The following TSC22D1 variants were observed in gnomAD, a reference collection of about 807,000 sequenced individuals.
The protein encoded by TSC22D1 is TSC22 domain family protein 1.
Under a neutral mutation model 74.2 loss-of-function variants are expected in TSC22D1, and 9 were observed. The observed-to-expected ratio is 0.12, with a 90% CI of 0.07 to 0.21. The LOEUF is 0.21. Among genes scored for constraint, TSC22D1 ranks in the 10% least tolerant of loss-of-function variants. The probability of loss-of-function intolerance (pLI) is 1.00; values close to 1 mark genes in which losing one functional copy is unlikely to be tolerated. For missense variants in TSC22D1, 1,427 were observed against 1,304.7 expected (o/e 1.09, Z -1.44); for synonymous variants, 586 against 492.5 (o/e 1.19, Z -2.51).
chr13:44,505,455 G>C (rs147504513), intron 1 of TSC22D1, among the ~76,000 whole-genome samples: 3 of 152,244 alleles, frequency 2.0e-5, no homozygotes, highest in African/African-American at 7.2e-5. Flanking sequence ...TTGGGAGGTT[G>C]AGGTGGGAGG....
upstream of TSC22D1, chr13:44,577,236 T>A (rs1595188502): frequency 6.9e-6 from 1 of 145,052 alleles, no homozygotes; most frequent in Non-Finnish European, 1.5e-5. Flanking sequence ...CGAGGGAGGG[T>A]GTCGGGCGGG....
intron 1 of TSC22D1, among the ~76,000 whole-genome samples, chr13:44,567,483 G>C (rs1216328070): frequency 1.3e-5 from 2 of 150,570 alleles, no homozygotes; most frequent in African/African-American, 4.9e-5. Flanking sequence ...ATAAAACCTA[G>C]AGGAAACACC....
At chr13:44,436,622 AT>A (rs1172568676) in intron 1 of TSC22D1, 6 of 1,606,406 alleles carry the variant, frequency 3.7e-6, no homozygotes, top group Non-Finnish European at 5.1e-6. Flanking sequence ...CACCATTGGG[AT>A]TTCATGCAAT....
At chr13:44,455,823 G>A (rs1232236002) in intron 1 of TSC22D1, among the ~76,000 whole-genome samples, 1 of 152,130 alleles carries the variant, frequency 6.6e-6, no homozygotes, top group Non-Finnish European at 1.5e-5. Flanking sequence ...CTAAAGAGAT[G>A]AGAACCCAGT....
rs1297630109 is a variant in TSC22D1, at chr13:44,447,521, A to G, written c.2913-11426T>C. On this transcript the variant is annotated intron_variant, in intron 1 of 2. Coordinates refer to ENST00000458659, the MANE Select transcript of TSC22D1 (RefSeq NM_183422.4). ...TTTGTTGGTGATTAATCATTCCTAA[A>G]TCTCATATTAGCGTTAAAAGATTTG... Among the ~76,000 whole-genome samples the G allele has an allele frequency of 2.0e-5, 3 of 152,260 alleles. No individual in the cohort carries two copies. In the East Asian group the frequency reaches 5.8e-4, roughly 29 times the overall value.
chr13:44,486,795 A>C (rs1429743696), intron 1 of TSC22D1, among the ~76,000 whole-genome samples: 1 of 152,232 alleles, frequency 6.6e-6, no homozygotes, highest in Non-Finnish European at 1.5e-5. Context: ...CAAAATGACA[A>C]AGCATAAAAG....
chr13:44,470,634 C>A (rs2137906064), intron 1 of TSC22D1, among the ~76,000 whole-genome samples: 1 of 152,202 alleles, frequency 6.6e-6, no homozygotes, highest in South Asian at 2.1e-4. Context: ...AATTTTAAGG[C>A]CTCATAGTTT....
chr13:44,465,264 GA>G (rs112528555), intron 1 of TSC22D1, among the ~76,000 whole-genome samples: 1 of 150,874 alleles, frequency 6.6e-6, no homozygotes, highest in African/African-American at 2.4e-5. Context: ...AGCCTCCCAG[GA>G]AAAAAAAATG....
intron 1 of TSC22D1, among the ~76,000 whole-genome samples, chr13:44,567,143 G>C (rs1883429680): frequency 6.6e-6 from 1 of 152,188 alleles, no homozygotes; most frequent in African/African-American, 2.4e-5. Context: ...CGTATCTGGG[G>C]ATCCCCCAAA....
intron 1 of TSC22D1, among the ~76,000 whole-genome samples, chr13:44,438,276 T>TA (rs1874902757): frequency 6.6e-6 from 1 of 152,186 alleles, no homozygotes; most frequent in Non-Finnish European, 1.5e-5. Context: ...AATTCCAACA[T>TA]AAAATCTGAC....
rs12429450 is a variant in TSC22D1 at position 44,571,471 on chromosome 13, G to C, written c.2912+1692C>G. Reference sequence around the variant, plus strand: ...AGGAGGAAAAAGAGGTGAAAGTCAAGCCAGGAGACCACAAATGGCAATTAC... The same window carrying C: ...AGGAGGAAAAAGAGGTGAAAGTCAACCCAGGAGACCACAAATGGCAATTAC... On this transcript the variant is annotated intron_variant, in intron 1 of 2. Transcript: ENST00000458659. Among the ~76,000 whole-genome samples the C allele has an allele frequency of 7.9e-3, 1,207 of 152,258 alleles. 38 individuals carry two copies. The highest frequency in any genetic ancestry group is 0.055 in the Admixed American group (840 of 15,296).
intron 1 of TSC22D1, among the ~76,000 whole-genome samples, chr13:44,542,254 A>G (rs575863357): frequency 6.6e-6 from 1 of 152,088 alleles, no homozygotes; most frequent in Non-Finnish European, 1.5e-5. Flanking sequence ...AAAGAGGTAC[A>G]TTTTGATATA....
chr13:44,479,045 T>A (rs1156656883), intron 1 of TSC22D1, among the ~76,000 whole-genome samples: 3 of 152,168 alleles, frequency 2.0e-5, no homozygotes, highest in Non-Finnish European at 2.9e-5. Flanking sequence ...TAAGCCCTCT[T>A]ACTTGGTCCT....
intron 1 of TSC22D1, among the ~76,000 whole-genome samples, chr13:44,556,456 G>C (rs571060177): frequency 6.6e-6 from 1 of 151,582 alleles, no homozygotes; most frequent in East Asian, 1.9e-4. Flanking sequence ...TGATGCAGGA[G>C]AATCACTTGA....
At position 44,522,816 on chromosome 13, in the gene TSC22D1, A is replaced by G. The variant is rs532594424; in HGVS notation, c.2912+50347T>C. Reference sequence around the variant, plus strand: ...ATCATGACCCATAAAGAAAAAATTGATAAGGTAGACTTCATTAAAATTGAA... The same window carrying G: ...ATCATGACCCATAAAGAAAAAATTGGTAAGGTAGACTTCATTAAAATTGAA... On this transcript the variant is annotated intron_variant, in intron 1 of 2. Transcript: ENST00000458659. 7.0e-3 allele frequency among the ~76,000 whole-genome samples: 1,060 copies of G among 152,296 alleles called. 6 individuals are homozygous for G. Among genetic ancestry groups the G allele is most frequent in the South Asian group, 0.03 (147 of 4,824 alleles).
At chr13:44,525,713 T>C (rs1433021539) in intron 1 of TSC22D1, among the ~76,000 whole-genome samples, 1 of 149,966 alleles carries the variant, frequency 6.7e-6, no homozygotes, top group African/African-American at 2.5e-5. Context: ...GATTAACCCC[T>C]AGCCAGATAA....
chr13:44,529,503 G>A (rs767954744), intron 1 of TSC22D1, among the ~76,000 whole-genome samples: 2 of 152,074 alleles, frequency 1.3e-5, no homozygotes, highest in Non-Finnish European at 2.9e-5. Flanking sequence ...TGTTGGTGAA[G>A]AAGGATGCTT....
At position 44,574,114 on chromosome 13, in the gene TSC22D1, G is replaced by A; in HGVS notation, c.1961C>T (p.Ser654Leu). Residue 654 changes from serine (S) to leucine (L), a missense_variant, in exon 1 of 3, where the codon TCA (serine) becomes TTA (leucine). Physicochemically the swap from Ser to Leu is moderately radical, Grantham distance 145. Around this residue, in one of 3 missense-constraint regions of TSC22D1, gnomAD observed 1,343 missense variants for 1,191.5 expected, o/e 1.13. Transcript: ENST00000458659. Reference sequence around the variant, plus strand: ...AATTGGCTGCTGTTGTACATACTCTGAAGCAGGATTTTGAGTCACTGATTT... The same window carrying A: ...AATTGGCTGCTGTTGTACATACTCTAAAGCAGGATTTTGAGTCACTGATTT... ...HVKSVTQNPA[S>L]EYVQQQPILQ... 6.2e-7 allele frequency: 1 copy of A among 1,614,180 alleles called. No homozygotes were observed. The highest frequency in any genetic ancestry group is 8.5e-7 in the Non-Finnish European group (1 of 1,179,954).
chr13:44,436,739 G>A (rs1415841310), intron 1 of TSC22D1: 34 of 1,488,458 alleles, frequency 2.3e-5, no homozygotes, highest in Middle Eastern at 3.6e-4. Context: ...AACAGAAAAC[G>A]GCAGCCCTAA....
Sources: gnomAD v4.1 joint callset for allele counts (sites outside exome capture counted in the v4.1 genomes callset) on GRCh38, gnomAD v4.1.1 for gene constraint, gnomAD v4.1.1 regional missense constraint, MANE v1.5 for transcripts, NCBI Gene and HGNC (gene_info 2026-07-23, HGNC 2026-07-21) for gene names.